Variants in CAMSAP2 observed in about 807,000 individuals in gnomAD.
The protein encoded by CAMSAP2 is calmodulin regulated spectrin associated protein family member 2, also known as calmodulin-regulated spectrin-associated protein 2.
In CAMSAP2, 26 loss-of-function variants were observed where a neutral mutation model predicts 146.1. The ratio of observed to expected loss-of-function variants is 0.18; its 90% CI spans 0.13 to 0.25. CAMSAP2 has a LOEUF of 0.25. Among genes scored for constraint, CAMSAP2 ranks in the 10% least tolerant of loss-of-function variants. CAMSAP2 has a pLI of 1.00. For synonymous variants in CAMSAP2, 499 were observed against 596.6 expected, an observed-to-expected ratio of 0.84 and a Z score of 2.38; for missense variants, 1,381 against 1,759.3, an observed-to-expected ratio of 0.78 and a Z score of 3.85.
rs535438148 is a variant in CAMSAP2, at chr1:200,816,661, T to TACAC, written c.645+1019_645+1022dup. On this transcript the variant is annotated intron_variant, in intron 4 of 16. Coordinates refer to ENST00000358823, the MANE Select transcript of CAMSAP2 (RefSeq NM_203459.4). ...ACACACACATATATATGCACACACA[T>TACAC]ACACATGTGTATATGTGTGTATATG... Among the ~76,000 whole-genome samples, 147 of 142,310 alleles carry TACAC rather than the reference T, an allele frequency of 1.0e-3. 1 individual carries two copies. Among genetic ancestry groups the TACAC allele is most frequent in the African/African-American group, 3.4e-3 (134 of 38,920 alleles). 93.4% of individuals were successfully genotyped at this position (142,310 alleles called of 152,430 possible).
At chr1:200,850,875 G>A (rs1667602625) in intron 11 of CAMSAP2, among the ~76,000 whole-genome samples, 1 of 152,098 alleles carries the variant, frequency 6.6e-6, no homozygotes, top group Non-Finnish European at 1.5e-5. Context: ...TCTCTTTCTA[G>A]TCAAAAATCT....
At chr1:200,784,242 A>G (rs968451217) in intron 2 of CAMSAP2, among the ~76,000 whole-genome samples, 2 of 152,050 alleles carry the variant, frequency 1.3e-5, no homozygotes, top group African/African-American at 4.8e-5. Context: ...TTTTTATCAA[A>G]ATTGTTTTCG....
intron 8 of CAMSAP2, among the ~76,000 whole-genome samples, 189 bp downstream of exon 8, chr1:200,845,058 T>C: frequency 6.6e-6 from 1 of 152,208 alleles, no homozygotes; most frequent in East Asian, 1.9e-4. Flanking sequence ...AATGAATGTT[T>C]ATGTACCACA....
chr1:200,761,677 G>A (rs1012423880), intron 2 of CAMSAP2, among the ~76,000 whole-genome samples: 1 of 150,794 alleles, frequency 6.6e-6, no homozygotes, highest in Non-Finnish European at 1.5e-5. Flanking sequence ...GGAGGTTGCG[G>A]TAAGCTGAGA....
rs772744894 is a variant in CAMSAP2, at chr1:200,850,129, G to A, written c.3360G>A (p.Leu1120=). 1.2e-6 allele frequency: 2 copies of A among 1,613,832 alleles called. No individual in the cohort carries two copies. The highest frequency in any genetic ancestry group is 1.7e-6 in the Non-Finnish European group (2 of 1,179,932). The change falls in exon 11 of 17, where the codon TTG becomes TTA. Residue 1120 remains leucine (L), a synonymous_variant. Coordinates refer to ENST00000358823, the MANE Select transcript of CAMSAP2 (RefSeq NM_203459.4). The stretch of plus-strand genomic sequence containing the variant: ...TGATTGAAGTTTCCCTCTCAGATTT[G>A]AAACCCCCTGAAAAGGCTGATGTAC... ...VNLIEVSLSD[L]KPPEKADVPV...
At chr1:200,808,335 T>G (rs1666236839) in intron 3 of CAMSAP2, among the ~76,000 whole-genome samples, 1 of 152,196 alleles carries the variant, frequency 6.6e-6, no homozygotes, top group African/African-American at 2.4e-5. Context: ...TTTGCCAATT[T>G]GAGTAGTTAA....
intron 2 of CAMSAP2, among the ~76,000 whole-genome samples, chr1:200,780,056 C>T (rs1665390085): frequency 6.6e-6 from 1 of 151,982 alleles, no homozygotes; most frequent in Non-Finnish European, 1.5e-5. Context: ...CATTAGTTTC[C>T]TTGTCACTAA....
chr1:200,818,263 ATGCCATTTG>A (rs1293478320), intron 4 of CAMSAP2, among the ~76,000 whole-genome samples: 1 of 152,214 alleles, frequency 6.6e-6, no homozygotes, highest in Non-Finnish European at 1.5e-5. Context: ...AATGAAAAAA[ATGCCATTTG>A]TATTTCAAAC....
chr1:200,755,248 A>G (rs1165054531), intron 1 of CAMSAP2, among the ~76,000 whole-genome samples: 1 of 152,222 alleles, frequency 6.6e-6, no homozygotes, highest in Non-Finnish European at 1.5e-5. Context: ...ACAGATAGTA[A>G]ACACACACAT....
chr1:200,768,459 G>A lies in CAMSAP2; in HGVS notation c.399+7361G>A, dbSNP rs115606844. On this transcript the variant is annotated intron_variant, in intron 2 of 16. Coordinates refer to ENST00000358823, the MANE Select transcript of CAMSAP2 (RefSeq NM_203459.4). ...GTTTTGTGCTATGCCAAGTGTTTAC[G>A]TTATCCTGGAAGTGATGGGAACCCT... Among the ~76,000 whole-genome samples, 732 of 152,230 alleles carry A rather than the reference G, an allele frequency of 4.8e-3. 5 individuals are homozygous for A. Among genetic ancestry groups the A allele is most frequent in the African/African-American group, 0.017 (688 of 41,548 alleles).
intron 2 of CAMSAP2, among the ~76,000 whole-genome samples, chr1:200,770,452 C>A (rs1665085156): frequency 6.7e-6 from 1 of 149,440 alleles, no homozygotes; most frequent in South Asian, 2.1e-4. Context: ...GAGTCTCTGT[C>A]TCCCAAGCTG....
At chr1:200,787,526 C>T (rs1273389379) in intron 2 of CAMSAP2, among the ~76,000 whole-genome samples, 3 of 152,176 alleles carry the variant, frequency 2.0e-5, no homozygotes, top group African/African-American at 4.8e-5. Flanking sequence ...TGAGGAGTTG[C>T]TTCTTACAGA....
chr1:200,801,003 C>T (rs57195043), intron 2 of CAMSAP2, among the ~76,000 whole-genome samples: 427 of 152,276 alleles, frequency 2.8e-3, no homozygotes, highest in African/African-American at 9.5e-3. Flanking sequence ...CAGTGGCTCA[C>T]ACCTGTAATT....
chr1:200,850,261 G>A (rs1484083532), intron 11 of CAMSAP2, 27 bp downstream of exon 11: 3 of 1,517,800 alleles, frequency 2.0e-6, no homozygotes, highest in Non-Finnish European at 2.6e-6. Flanking sequence ...CATAGTTTTG[G>A]GCATCTTCAT....
At chr1:200,822,584 C>T (rs1400378302) in intron 4 of CAMSAP2, among the ~76,000 whole-genome samples, 1 of 152,146 alleles carries the variant, frequency 6.6e-6, no homozygotes, top group Non-Finnish European at 1.5e-5. Flanking sequence ...TATCCATTTA[C>T]CCCTGCTAGA....
rs1273811235 is a variant in CAMSAP2 at position 200,859,904 on chromosome 1, G to A, written c.*1845G>A. ...AGTAGTCAAAAGGATAATTTAATAA[G>A]CATTTTACGTTACTAAATTTGTTCA... On this transcript the variant is annotated 3_prime_UTR_variant, in exon 17 of 17. Coordinates refer to ENST00000358823, the MANE Select transcript of CAMSAP2 (RefSeq NM_203459.4). The A allele has an allele frequency of 1.3e-5, 2 of 152,222 alleles. No individual in the cohort carries two copies. Among genetic ancestry groups the A allele is most frequent in the African/African-American group, 4.8e-5 (2 of 41,414 alleles). The allele number at this position is 152,222 out of a possible 1,614,324, so 9.4% of individuals were successfully genotyped here.
At chr1:200,835,487 T>G (rs1470526687) in intron 6 of CAMSAP2, among the ~76,000 whole-genome samples, 1 of 152,192 alleles carries the variant, frequency 6.6e-6, no homozygotes, top group Non-Finnish European at 1.5e-5. Flanking sequence ...CCAGACACTA[T>G]TCTTAGCTTT....
Position 200,854,802 on chromosome 1 carries a change from A to G in CAMSAP2, c.3824-15A>G. ...TGTTTTTATTCAGGATCATGAATTT[A>G]TCGTGTTTTTTCAGTCTCTAGCCTT... On this transcript the variant is annotated splice_polypyrimidine_tract_variant and intron_variant, in intron 13 of 16. Transcript: ENST00000358823. The G allele has an allele frequency of 6.2e-7, 1 of 1,601,648 alleles. No homozygotes were observed. Among genetic ancestry groups the G allele is most frequent in the Admixed American group, 1.7e-5 (1 of 57,932 alleles).
At chr1:200,828,739 T>G in intron 4 of CAMSAP2, 1 of 820,592 alleles carries the variant, frequency 1.2e-6, no homozygotes, top group Non-Finnish European at 1.9e-6. Context: ...TAAGGTCATG[T>G]AAAATGGAAA....
Sources: gnomAD v4.1 joint callset for allele counts (sites outside exome capture counted in the v4.1 genomes callset) on GRCh38, gnomAD v4.1.1 for gene constraint, MANE v1.5 for transcripts, NCBI Gene and HGNC (gene_info 2026-07-23, HGNC 2026-07-21) for gene names.